The following ANKRD13B variants were observed in gnomAD, a reference collection of about 807,000 sequenced individuals.
ANKRD13B encodes ankyrin repeat domain 13B.
ANKRD13B carries 33 observed loss-of-function variants against 74.4 expected under a neutral mutation model. The ratio of observed to expected loss-of-function variants is 0.44; its 90% CI spans 0.34 to 0.59. ANKRD13B has a LOEUF of 0.59. Ranked by LOEUF, ANKRD13B falls within the 20% of genes least tolerant of loss-of-function variation. The pLI, the probability that ANKRD13B is intolerant of heterozygous loss-of-function variation, is 0.02. For missense variants in ANKRD13B, 676 were observed against 877.9 expected (o/e 0.77, Z 2.91); for synonymous variants, 341 against 362.9 (o/e 0.94, Z 0.68).
Position 29,611,236 on chromosome 17 carries a change from C to T in ANKRD13B, c.905-343C>T, listed in dbSNP as rs912159555. 1.3e-5 allele frequency among the ~76,000 whole-genome samples: 2 copies of T among 152,164 alleles called. No homozygotes were observed. The highest frequency in any genetic ancestry group is 6.5e-5 in the Admixed American group (1 of 15,282). On this transcript the variant is annotated intron_variant, in intron 8 of 14. Coordinates refer to ENST00000394859, the MANE Select transcript of ANKRD13B (RefSeq NM_152345.5). The surrounding 1 kb of genome is among the most constrained non-coding windows in gnomAD (Gnocchi z 4.3). The stretch of plus-strand genomic sequence containing the variant: ...ACATGAAATCATGCCTATGGAAGTG[C>T]CTGAAGCAAACACACACACGCACAT...
At chr17:29,593,893 T>TTATGG in intron 1 of ANKRD13B, 158 bp downstream of exon 1, 1 of 121,126 alleles carries the variant, frequency 8.3e-6, no homozygotes. Context: ...CGGGAAAGGG[T>TTATGG]GATCCCCTCC....
At position 29,611,861 on chromosome 17, in the gene ANKRD13B, C is replaced by T; in HGVS notation, c.970-15C>T. On this transcript the variant is annotated splice_polypyrimidine_tract_variant and intron_variant, in intron 9 of 14. Coordinates refer to ENST00000394859, the MANE Select transcript of ANKRD13B (RefSeq NM_152345.5). This position sits in a 1 kb window ranked among gnomAD's most constrained non-coding sequence, Gnocchi z 4.3. The stretch of plus-strand genomic sequence containing the variant: ...AACTGAGGGGAGCTCCTGGGCCCCT[C>T]CCCATGTGGTACAGACCCTGATCAC... 1 of 1,578,276 alleles carries T rather than the reference C, an allele frequency of 6.3e-7. No individual in the cohort carries two copies. The highest frequency in any genetic ancestry group is 1.2e-5 in the South Asian group (1 of 86,846).
chr17:29,606,758 A>T (rs1411294209), intron 1 of ANKRD13B, among the ~76,000 whole-genome samples: 1 of 107,754 alleles, frequency 9.3e-6, no homozygotes, highest in Admixed American at 9.5e-5. Flanking sequence ...AAAAAAAAAA[A>T]AATCTTTTGT....
At chr17:29,593,784 C>T (rs1232032514) in intron 1 of ANKRD13B, 49 bp downstream of exon 1, 3 of 1,199,006 alleles carry the variant, frequency 2.5e-6, no homozygotes, top group Middle Eastern at 3.1e-4. Flanking sequence ...CGGGCACGCC[C>T]GTCCGGCCTG....
At chr17:29,606,546 A>G (rs2034382602) in intron 1 of ANKRD13B, among the ~76,000 whole-genome samples, 1 of 151,834 alleles carries the variant, frequency 6.6e-6, no homozygotes, top group Non-Finnish European at 1.5e-5. Flanking sequence ...TGACACAGTG[A>G]GACTCTGTCT....
intron 1 of ANKRD13B, among the ~76,000 whole-genome samples, chr17:29,599,921 C>T (rs866052193): frequency 6.3e-5 from 9 of 143,322 alleles, no homozygotes; most frequent in Non-Finnish European, 1.4e-4. Flanking sequence ...CTGTCCCCCG[C>T]GCTAGAGTGC....
At chr17:29,605,855 C>T (rs1407547180) in intron 1 of ANKRD13B, among the ~76,000 whole-genome samples, 3 of 151,896 alleles carry the variant, frequency 2.0e-5, no homozygotes, top group Admixed American at 2.0e-4. Flanking sequence ...AGCCTTTTTA[C>T]TGGCGTTTTA....
intron 1 of ANKRD13B, among the ~76,000 whole-genome samples, chr17:29,605,748 G>A (rs568698364): frequency 5.1e-4 from 77 of 151,586 alleles, no homozygotes; most frequent in African/African-American, 1.6e-3. Context: ...GGATTACAGG[G>A]GTGAGCCTCT....
chr17:29,598,213 C>T (rs2034027491), intron 1 of ANKRD13B, among the ~76,000 whole-genome samples: 1 of 152,174 alleles, frequency 6.6e-6, no homozygotes, highest in South Asian at 2.1e-4. Flanking sequence ...GCCAGGCCCG[C>T]TGGTTTTTTT....
intron 1 of ANKRD13B, among the ~76,000 whole-genome samples, chr17:29,602,756 A>T (rs1187684010): frequency 1.3e-5 from 2 of 152,228 alleles, no homozygotes; most frequent in East Asian, 1.9e-4. Context: ...TCAGAATGTG[A>T]TGTGGACATG....
Position 29,608,195 on chromosome 17 carries a change from G to A in ANKRD13B, c.376G>A (p.Ala126Thr). 1 of 1,614,162 alleles carries A rather than the reference G, an allele frequency of 6.2e-7. No homozygotes were observed. Among genetic ancestry groups the A allele is most frequent in the Non-Finnish European group, 8.5e-7 (1 of 1,180,026 alleles). The change falls in exon 4 of 15, where the codon GCC (alanine) becomes ACC (threonine). Residue 126 changes from alanine (A) to threonine (T), a missense_variant and splice_region_variant. Physicochemically the swap from Ala to Thr is moderately conservative, Grantham distance 58 (BLOSUM62 0). This residue lies in a region of ANKRD13B where 328 missense variants were observed against 518.4 expected (regional missense o/e 0.63). Coordinates refer to ENST00000394859, the MANE Select transcript of ANKRD13B (RefSeq NM_152345.5). The surrounding 1 kb of genome is among the most constrained non-coding windows in gnomAD (Gnocchi z 6.4). ...IPVLLEKLRK[A>T]QDFYVEMKWE... is the part of the protein sequence containing the mutation. ...AGCCTCTCTCCCCTTCGTCCTCCAG[G>A]CCCAGGACTTCTACGTGGAGATGAA... is the stretch of plus-strand genomic sequence containing the variant.
intron 1 of ANKRD13B, among the ~76,000 whole-genome samples, chr17:29,598,208 G>A (rs2034027043): frequency 6.6e-6 from 1 of 152,180 alleles, no homozygotes; most frequent in African/African-American, 2.4e-5. Context: ...CAGGGGCCAG[G>A]CCCGCTGGTT....
chr17:29,610,734 A>G lies in ANKRD13B; in HGVS notation c.872A>G (p.His291Arg). Residue 291 changes from histidine to arginine, a missense_variant, in exon 8 of 15, where the codon CAT (histidine) becomes CGT (arginine). By Grantham distance (29) the His-to-Arg change is conservative. Transcript: ENST00000394859. ...VELITRTRTE[H>R]LSEQHKGKVK... ...CTCATCACCCGCACACGGACAGAAC[A>G]TCTTTCAGAACAGCACAAGGGCAAG... 1 of 1,614,048 alleles carries G rather than the reference A, an allele frequency of 6.2e-7. No individual in the cohort carries two copies. Among genetic ancestry groups the G allele is most frequent in the Non-Finnish European group, 8.5e-7 (1 of 1,179,946 alleles).
Position 29,613,729 on chromosome 17 carries a change from G to T in ANKRD13B, c.*147G>T. On this transcript the variant is annotated 3_prime_UTR_variant, in exon 15 of 15. Transcript: ENST00000394859. Reference sequence around the variant, plus strand: ...TGCAGCAGCACAGCAGGCACGGTTCGGGGAGGGATTCGGCATGGCCGCGGG... The same window carrying T: ...TGCAGCAGCACAGCAGGCACGGTTCTGGGAGGGATTCGGCATGGCCGCGGG... 9.3e-6 allele frequency: 12 copies of T among 1,292,222 alleles called. No individual in the cohort carries two copies. Among genetic ancestry groups the T allele is most frequent in the Non-Finnish European group, 1.1e-5 (11 of 997,894 alleles). 80.0% of individuals were successfully genotyped at this position (1,292,222 alleles called of 1,614,324 possible).
intron 1 of ANKRD13B, among the ~76,000 whole-genome samples, chr17:29,598,142 G>A (rs972232738): frequency 6.6e-6 from 1 of 152,088 alleles, no homozygotes; most frequent in African/African-American, 2.4e-5. Context: ...AACCAGGATT[G>A]GACAAGAGTA....
intron 1 of ANKRD13B, among the ~76,000 whole-genome samples, chr17:29,600,676 C>A (rs904459431): frequency 1.3e-5 from 2 of 152,100 alleles, no homozygotes; most frequent in African/African-American, 4.8e-5. Flanking sequence ...GCTCTAGCTT[C>A]ACCTCCACCT....
At position 29,612,314 on chromosome 17, in the gene ANKRD13B, C is replaced by G. The variant is rs1451558402; in HGVS notation, c.1258+41C>G. 1 of 1,612,242 alleles carries G rather than the reference C, an allele frequency of 6.2e-7. No individual in the cohort carries two copies. Among genetic ancestry groups the G allele is most frequent in the South Asian group, 1.1e-5 (1 of 91,034 alleles). ...CATTTCTCCTGAGCCCGTGGCGGGC[C>G]GACCGGGGTTTAGATGAGGTCGGGG... On this transcript the variant is annotated intron_variant, in intron 11 of 14. Transcript: ENST00000394859. The surrounding 1 kb of genome is among the most constrained non-coding windows in gnomAD (Gnocchi z 6.1).
rs376484013 is a variant in ANKRD13B, at chr17:29,612,281, C to G, written c.1258+8C>G. 6.2e-7 allele frequency: 1 copy of G among 1,613,752 alleles called. No homozygotes were observed. The highest frequency in any genetic ancestry group is 8.5e-7 in the Non-Finnish European group (1 of 1,179,840). ...GCTTCCCAGTTAAGATTGGTGAGAC[C>G]GCACGGCCATTTCTCCTGAGCCCGT... On this transcript the variant is annotated splice_region_variant and intron_variant, in intron 11 of 14. Coordinates refer to ENST00000394859, the MANE Select transcript of ANKRD13B (RefSeq NM_152345.5). This position sits in a 1 kb window ranked among gnomAD's most constrained non-coding sequence, Gnocchi z 6.1.
In ANKRD13B at chr17:29,612,944, G is replaced by C; in HGVS notation, c.1633G>C (p.Glu545Gln). 6.3e-7 allele frequency: 1 copy of C among 1,598,068 alleles called. No individual in the cohort carries two copies. Among genetic ancestry groups the C allele is most frequent in the South Asian group, 1.1e-5 (1 of 91,016 alleles). The change falls in exon 14 of 15, where the codon GAG (glutamate) becomes CAG (glutamine). Residue 545 changes from glutamate (E) to glutamine (Q), a missense_variant. By Grantham distance (29) the Glu-to-Gln change is conservative. Coordinates refer to ENST00000394859, the MANE Select transcript of ANKRD13B (RefSeq NM_152345.5). This position sits in a 1 kb window ranked among gnomAD's most constrained non-coding sequence, Gnocchi z 6.1. ...GCCAGGCACCCACCCCATGTCCTAC[G>C]AGGGTCGCCGACAGGACAGGTCAGT... ...SKPGTHPMSYEGRRQDRSAPP... is the reference protein window; with the variant it reads ...SKPGTHPMSYQGRRQDRSAPP...
Sources: gnomAD v4.1 joint callset for allele counts (sites outside exome capture counted in the v4.1 genomes callset) on GRCh38, gnomAD v4.1.1 for gene constraint, gnomAD v4.1.1 regional missense constraint, Gnocchi (gnomAD v3.1) non-coding constraint, MANE v1.5 for transcripts, NCBI Gene and HGNC (gene_info 2026-07-23, HGNC 2026-07-21) for gene names.